The following CTPS2 variants were observed in gnomAD, a reference collection of about 807,000 sequenced individuals.
CTPS2 encodes CTP synthase II.
In CTPS2, 19 loss-of-function variants were observed where a neutral mutation model predicts 46.8. That is an observed-to-expected ratio of 0.41 (90% CI 0.28 to 0.60). The LOEUF (loss-of-function observed/expected upper bound fraction) is 0.60. Ranked by LOEUF, CTPS2 falls within the 20% of genes least tolerant of loss-of-function variation. CTPS2 has a pLI of 0.35. For missense variants in CTPS2, 286 were observed against 447.6 expected (o/e 0.64, Z 3.26); for synonymous variants, 151 against 165.2 (o/e 0.91, Z 0.66).
At chrX:16,627,613 A>T (rs1280325910) in intron 14 of CTPS2, among the ~76,000 whole-genome samples, 1 of 111,379 alleles carries the variant, frequency 9.0e-6, no homozygotes. Flanking sequence ...GGCTCAGTGT[A>T]GCTGCTGCTG....
intron 13 of CTPS2, among the ~76,000 whole-genome samples, chrX:16,650,511 C>CTTT (rs1167079038): frequency 1.6e-3 from 124 of 77,122 alleles, no homozygotes; most frequent in Non-Finnish European, 1.9e-3. Flanking sequence ...TCTAAGATGT[C>CTTT]TTTTTTTTTT....
intron 13 of CTPS2, chrX:16,651,036 G>A: frequency 8.3e-7 from 1 of 1,206,511 alleles, no homozygotes; most frequent in Non-Finnish European, 1.1e-6. Context: ...CTGAGGAACT[G>A]AAGAGGATTT....
intron 17 of CTPS2, among the ~76,000 whole-genome samples, chrX:16,600,571 G>A (rs1204658561): frequency 2.7e-5 from 3 of 111,395 alleles, no homozygotes; most frequent in Non-Finnish European, 3.8e-5. Context: ...AAAAGCACAC[G>A]GTAGTCTGTA....
At chrX:16,673,432 C>T (rs10126950) in intron 10 of CTPS2, among the ~76,000 whole-genome samples, 12,288 of 110,915 alleles carry the variant, frequency 0.11, 973 homozygotes, top group African/African-American at 0.27. Context: ...TGTGGCAGTA[C>T]TTTCTCTTGG....
At chrX:16,710,792 T>G (rs1442408865) in intron 1 of CTPS2, among the ~76,000 whole-genome samples, 1 of 111,936 alleles carries the variant, frequency 8.9e-6, no homozygotes, top group Non-Finnish European at 1.9e-5. Flanking sequence ...CTAATTTTTG[T>G]ATCTTTAGTA....
chrX:16,707,175 C>T (rs1403236876), intron 1 of CTPS2, among the ~76,000 whole-genome samples: 1 of 111,871 alleles, frequency 8.9e-6, no homozygotes. Flanking sequence ...GATTCAAACC[C>T]TTTTGTTTTA....
intron 14 of CTPS2, among the ~76,000 whole-genome samples, chrX:16,638,117 C>A (rs1195783067): frequency 9.1e-6 from 1 of 109,622 alleles, no homozygotes; most frequent in Non-Finnish European, 1.9e-5. Flanking sequence ...TAGCCGGGCG[C>A]GGTGGTAGGC....
intron 14 of CTPS2, among the ~76,000 whole-genome samples, chrX:16,629,371 C>T (rs920414231): frequency 1.2e-4 from 13 of 111,914 alleles, no homozygotes; most frequent in African/African-American, 4.2e-4. Flanking sequence ...GGCGGGGAGG[C>T]TCGCCAAGTG....
At chrX:16,691,708 T>G in intron 6 of CTPS2, 88 bp from the exon 7 acceptor site, 3 of 724,758 alleles carry the variant, frequency 4.1e-6, no homozygotes, top group South Asian at 2.3e-5. Flanking sequence ...CTTGGCCAAG[T>G]ATGTACTTGT....
chrX:16,625,084 C>A (rs906272000), intron 14 of CTPS2, among the ~76,000 whole-genome samples: 1 of 111,525 alleles, frequency 9.0e-6, no homozygotes, highest in African/African-American at 3.3e-5. Flanking sequence ...CTTTTGAGAG[C>A]CAAAATATCC....
At chrX:16,624,045 G>A (rs1015659386) in intron 14 of CTPS2, among the ~76,000 whole-genome samples, 2 of 108,957 alleles carry the variant, frequency 1.8e-5, no homozygotes, top group African/African-American at 6.7e-5. Context: ...CTGACCTCGT[G>A]ATCCACCCGC....
rs1217815741 is a variant in CTPS2 at position 16,691,560 on chromosome X, A to T, written c.700T>A (p.Cys234Ser). 8.3e-7 allele frequency: 1 copy of T among 1,211,344 alleles called. No individual in the cohort carries two copies. Among genetic ancestry groups the T allele is most frequent in the Non-Finnish European group, 1.1e-6 (1 of 894,871 alleles). ...CCAACCTGTTCAGGGTTCACGTGACAAAACATAGAAATCTTCTCCTTCACG... is the reference window on the plus strand; with the variant it reads ...CCAACCTGTTCAGGGTTCACGTGACTAAACATAGAAATCTTCTCCTTCACG... ...MAVKEKISMF[C>S]HVNPEQVICI... Residue 234 changes from cysteine to serine, a missense_variant, in exon 7 of 19, where the codon TGT becomes AGT. Cys to Ser is a moderately radical substitution (Grantham distance 112, BLOSUM62 -1). Coordinates refer to ENST00000359276, the MANE Select transcript of CTPS2 (RefSeq NM_175859.3).
At position 16,698,292 on chromosome X, in the gene CTPS2, G is replaced by A; in HGVS notation, c.382C>T (p.Gln128Ter). The A allele has an allele frequency of 8.3e-7, 1 of 1,207,634 alleles. No individual in the cohort carries two copies. Among genetic ancestry groups the A allele is most frequent in the Non-Finnish European group, 1.1e-6 (1 of 891,919 alleles). The change falls in exon 4 of 19, where the codon CAA becomes TAA. Residue 128 changes from glutamine (Q) to a stop codon, truncating the protein, a stop_gained. Transcript: ENST00000359276. LOFTEE classifies it high-confidence loss of function. ...TDAVQEWVMN[Q>*]AKVPVDGNKE... ...TTACCATCCACCGGCACCTTGGCTTGATTCATAACCCACTCCTGGACAGCA... is the reference window on the plus strand; with the variant it reads ...TTACCATCCACCGGCACCTTGGCTTAATTCATAACCCACTCCTGGACAGCA...
At chrX:16,685,091 C>CA (rs373137189) in intron 8 of CTPS2, among the ~76,000 whole-genome samples, 47 of 104,888 alleles carry the variant, frequency 4.5e-4, no homozygotes, top group African/African-American at 1.3e-3. Flanking sequence ...ACTTCTTCTC[C>CA]AAAAAAAAAA....
Position 16,693,427 on chromosome X carries a change from G to A in CTPS2, c.499C>T (p.Gln167Ter). 8.3e-7 allele frequency: 1 copy of A among 1,210,495 alleles called. No homozygotes were observed. Among genetic ancestry groups the A allele is most frequent in the Non-Finnish European group, 1.1e-6 (1 of 894,442 alleles). ...MPFVEAFRQF[Q>*]FKAKRENFCN... The stretch of plus-strand genomic sequence containing the variant: ...AAATTCTCTCTTTTCGCCTTAAACT[G>A]GAATTGTCTAAACGCCTCCACAAAC... The change falls in exon 5 of 19, where the codon CAG becomes TAG. Residue 167 changes from glutamine to a stop codon, truncating the protein, a stop_gained. Transcript: ENST00000359276. LOFTEE classifies it high-confidence loss of function.
rs60328217 is a variant in CTPS2 at position 16,623,792 on chromosome X, C to CTTTTT, written c.1394-3465_1394-3461dup. ...ATACCCAGCAGTCATCCCCTCAATT[C>CTTTTT]TTTTTTTTTTTTTTTTTTTTTTTTT... On this transcript the variant is annotated intron_variant, in intron 14 of 18. Transcript: ENST00000359276. 3.4e-3 allele frequency among the ~76,000 whole-genome samples: 73 copies of CTTTTT among 21,694 alleles called. 9 individuals are homozygous for CTTTTT. The highest frequency in any genetic ancestry group is 8.3e-3 in the African/African-American group (44 of 5,313). 18.8% of individuals were successfully genotyped at this position (21,694 alleles called of 115,157 possible). A position where few individuals can be genotyped will look rare whatever the true frequency, so the allele number is the denominator to read the frequency against.
At chrX:16,683,329 C>T (rs897283092) in intron 8 of CTPS2, 103 bp from the exon 9 acceptor site, 28 of 861,921 alleles carry the variant, frequency 3.2e-5, no homozygotes, top group African/African-American at 2.4e-4. Context: ...TTTAAATCCT[C>T]GGGAGCAGCT....
chrX:16,648,347 G>A (rs1296021031), intron 13 of CTPS2, among the ~76,000 whole-genome samples: 2 of 111,768 alleles, frequency 1.8e-5, no homozygotes, highest in African/African-American at 3.3e-5. Context: ...ATGACTCAGG[G>A]GTGGAGGAAA....
chrX:16,673,419 C>G (rs1474493092), intron 10 of CTPS2, among the ~76,000 whole-genome samples: 1 of 111,097 alleles, frequency 9.0e-6, no homozygotes. Context: ...GACCTTGCAA[C>G]CATGTGGCAG....
Sources: allele counts gnomAD v4.1 joint callset (sites outside exome capture counted in the v4.1 genomes callset), GRCh38; gene constraint gnomAD v4.1.1; transcripts MANE v1.5; gene names NCBI Gene and HGNC (gene_info 2026-07-23, HGNC 2026-07-21).